The following SH3GL2 variants were observed in gnomAD, a reference collection of about 807,000 sequenced individuals.
SH3GL2 encodes the protein SH3 domain containing GRB2 like 2, endophilin A1, also known as endophilin-A1.
SH3GL2 carries 24 observed loss-of-function variants against 46.0 expected under a neutral mutation model. The observed-to-expected ratio is 0.52, with a 90% CI of 0.38 to 0.73. SH3GL2 has a LOEUF of 0.73. Among genes scored for constraint, SH3GL2 ranks in the 30% least tolerant of loss-of-function variants. The probability of loss-of-function intolerance (pLI) is 0.00; values close to 1 mark genes in which losing one functional copy is unlikely to be tolerated. For missense variants in SH3GL2, 413 were observed against 424.2 expected (o/e 0.97, Z 0.23); for synonymous variants, 196 against 147.1 (o/e 1.33, Z -2.40).
At chr9:17,579,431 G>T in intron 1 of SH3GL2, 144 bp downstream of exon 1, 1 of 404,716 alleles carries the variant, frequency 2.5e-6, no homozygotes, top group South Asian at 1.2e-4. Flanking sequence ...GCAAGCCAAG[G>T]CGGCGGCTCG....
chr9:17,732,465 C>T (rs986773533), intron 1 of SH3GL2, among the ~76,000 whole-genome samples: 1 of 152,114 alleles, frequency 6.6e-6, no homozygotes, highest in Non-Finnish European at 1.5e-5. Context: ...TATATCAGGC[C>T]TACATTAGGC....
At chr9:17,751,165 A>T (rs990501784) in intron 2 of SH3GL2, among the ~76,000 whole-genome samples, 6 of 152,240 alleles carry the variant, frequency 3.9e-5, no homozygotes, top group African/African-American at 1.2e-4. Context: ...TTTAATAAAA[A>T]TGGGATTCTT....
chr9:17,685,699 C>T (rs200146428), intron 1 of SH3GL2, among the ~76,000 whole-genome samples: 37 of 151,924 alleles, frequency 2.4e-4, no homozygotes, highest in African/African-American at 8.7e-4. Flanking sequence ...ATTTATTAAA[C>T]AGGGAATCCT....
intron 1 of SH3GL2, among the ~76,000 whole-genome samples, chr9:17,592,137 T>C (rs758236783): frequency 3.9e-5 from 6 of 152,184 alleles, no homozygotes; most frequent in Non-Finnish European, 5.9e-5. Flanking sequence ...GGGGAGCTGC[T>C]GGTGTAAGCC....
chr9:17,646,721 T>C (rs1368695617), intron 1 of SH3GL2, among the ~76,000 whole-genome samples: 1 of 152,172 alleles, frequency 6.6e-6, no homozygotes, highest in African/African-American at 2.4e-5. Flanking sequence ...ACAGCAAAGA[T>C]TGATGCCTGC....
chr9:17,777,740 C>G (rs945565647), intron 3 of SH3GL2, among the ~76,000 whole-genome samples: 1 of 152,054 alleles, frequency 6.6e-6, no homozygotes, highest in African/African-American at 2.4e-5. Context: ...GGTTACCAAT[C>G]CTACTGGATT....
chr9:17,638,838 G>T (rs1588195955), intron 1 of SH3GL2, among the ~76,000 whole-genome samples: 1 of 152,232 alleles, frequency 6.6e-6, no homozygotes, highest in African/African-American at 2.4e-5. Context: ...CAGACTGGGG[G>T]AGGGGGTGGT....
At chr9:17,726,044 A>G (rs1401990156) in intron 1 of SH3GL2, among the ~76,000 whole-genome samples, 1 of 152,130 alleles carries the variant, frequency 6.6e-6, no homozygotes, top group African/African-American at 2.4e-5. Flanking sequence ...AAGATTTAGT[A>G]TATTTTCTTG....
chr9:17,599,249 C>G (rs1051860398), intron 1 of SH3GL2, among the ~76,000 whole-genome samples: 1 of 152,282 alleles, frequency 6.6e-6, no homozygotes, highest in South Asian at 2.1e-4. Context: ...CATGCAGAGA[C>G]TGTGCACTAT....
chr9:17,747,664 TTTA>T (rs1278741876), intron 2 of SH3GL2, among the ~76,000 whole-genome samples: 1 of 151,908 alleles, frequency 6.6e-6, no homozygotes, highest in Non-Finnish European at 1.5e-5. Context: ...TTTTTAAAAT[TTTA>T]TTATTATTAT....
chr9:17,681,229 G>T (rs995852068), intron 1 of SH3GL2, among the ~76,000 whole-genome samples: 7 of 152,130 alleles, frequency 4.6e-5, no homozygotes, highest in African/African-American at 1.7e-4. Flanking sequence ...GTAGGAAGAG[G>T]TAAGTGGCAA....
intron 1 of SH3GL2, among the ~76,000 whole-genome samples, chr9:17,668,187 A>G (rs979337057): frequency 4.6e-5 from 7 of 152,208 alleles, no homozygotes; most frequent in African/African-American, 1.7e-4. Flanking sequence ...CTGAGAAGCC[A>G]CTGCTTAATC....
chr9:17,628,860 A>G lies in SH3GL2; in HGVS notation c.45+49573A>G, dbSNP rs1588186789. 2.0e-5 allele frequency among the ~76,000 whole-genome samples: 3 copies of G among 152,218 alleles called. No individual in the cohort carries two copies. In the South Asian group the frequency reaches 6.2e-4, roughly 32 times the overall value. On this transcript the variant is annotated intron_variant, in intron 1 of 8. Coordinates refer to ENST00000380607, the MANE Select transcript of SH3GL2 (RefSeq NM_003026.5). ...AAAAATTGATATTGGATCCAATTCC[A>G]TCAGAGAAGCTTTAGTATTTTTAGA... is the stretch of plus-strand genomic sequence containing the variant.
chr9:17,629,017 C>G (rs1156326110), intron 1 of SH3GL2, among the ~76,000 whole-genome samples: 3 of 149,804 alleles, frequency 2.0e-5, no homozygotes, highest in Non-Finnish European at 3.0e-5. Context: ...GTCTGTCAAA[C>G]AGAAGGAAAT....
chr9:17,698,626 A>G (rs1029185476), intron 1 of SH3GL2, among the ~76,000 whole-genome samples: 1 of 152,208 alleles, frequency 6.6e-6, no homozygotes, highest in Non-Finnish European at 1.5e-5. Flanking sequence ...GGAGAAAAGG[A>G]AATAAGAGAT....
chr9:17,657,380 C>T lies in SH3GL2; in HGVS notation c.45+78093C>T, dbSNP rs192680644. On this transcript the variant is annotated intron_variant, in intron 1 of 8. Coordinates refer to ENST00000380607, the MANE Select transcript of SH3GL2 (RefSeq NM_003026.5). ...GAGAGATTTGTGGGCAGGTTGTCTT[C>T]TAGGTCACCCTTCCCTCAACACCAT... 2.7e-3 allele frequency among the ~76,000 whole-genome samples: 414 copies of T among 152,302 alleles called. 2 individuals carry two copies. Among genetic ancestry groups the T allele is most frequent in the African/African-American group, 7.7e-3 (320 of 41,568 alleles).
intron 1 of SH3GL2, among the ~76,000 whole-genome samples, chr9:17,605,550 A>T (rs896727511): frequency 2.0e-5 from 3 of 152,162 alleles, no homozygotes; most frequent in Admixed American, 6.5e-5. Context: ...TTCAGTATAT[A>T]GTCCTAGTAC....
intron 1 of SH3GL2, among the ~76,000 whole-genome samples, chr9:17,720,501 C>T (rs555798469): frequency 6.6e-6 from 1 of 152,114 alleles, no homozygotes; most frequent in Admixed American, 6.6e-5. Flanking sequence ...GGTTACAACT[C>T]AGCATCTGCC....
intron 1 of SH3GL2, among the ~76,000 whole-genome samples, chr9:17,649,716 G>A (rs1819910075): frequency 6.6e-6 from 1 of 152,156 alleles, no homozygotes; most frequent in African/African-American, 2.4e-5. Context: ...CAGGTTTGAG[G>A]AAAATAGTGA....
Sources: allele counts gnomAD v4.1 joint callset (sites outside exome capture counted in the v4.1 genomes callset), GRCh38; gene constraint gnomAD v4.1.1; transcripts MANE v1.5; gene names NCBI Gene and HGNC (gene_info 2026-07-23, HGNC 2026-07-21).